Variants in LINGO2 observed in about 807,000 individuals in gnomAD.
LINGO2 encodes leucine rich repeat and Ig domain containing 2.
Under a neutral mutation model 30.6 loss-of-function variants are expected in LINGO2, and 14 were observed. The observed-to-expected ratio is 0.46, with a 90% CI of 0.30 to 0.72. The LOEUF (loss-of-function observed/expected upper bound fraction) is 0.72, where lower values mean the gene tolerates loss of function less well. Ranked by LOEUF, LINGO2 falls within the 30% of genes least tolerant of loss-of-function variation. The pLI is 0.07. For synonymous variants in LINGO2, 317 were observed against 288.5 expected (o/e 1.10, Z -1.00); for missense variants, 729 against 751.7 (o/e 0.97, Z 0.35).
intron 1 of LINGO2, among the ~76,000 whole-genome samples, chr9:28,587,244 G>A (rs1024226257): frequency 6.6e-6 from 1 of 152,038 alleles, no homozygotes; most frequent in Non-Finnish European, 1.5e-5. Context: ...AAGTTCTGCT[G>A]TGCTAACTCA....
chr9:28,969,030 T>C, the LINGO2 span, among the ~76,000 whole-genome samples: 1 of 152,172 alleles, frequency 6.6e-6, no homozygotes, highest in Non-Finnish European at 1.5e-5. Context: ...TCAATAGTTA[T>C]ATGTAAATTT....
the LINGO2 span, among the ~76,000 whole-genome samples, chr9:28,847,770 TG>T: frequency 1.0e-4 from 4 of 38,126 alleles, 1 homozygote; most frequent in Admixed American, 3.0e-4. Context: ...CACACATATG[TG>T]TATATATAGT....
At chr9:28,579,709 C>T (rs1824164595) in intron 1 of LINGO2, among the ~76,000 whole-genome samples, 3 of 152,114 alleles carry the variant, frequency 2.0e-5, no homozygotes, top group African/African-American at 7.2e-5. Context: ...TGGCTCTTCA[C>T]TGTTGGCTAT....
chr9:28,398,827 A>G (rs1446805846), intron 2 of LINGO2, among the ~76,000 whole-genome samples: 2 of 152,198 alleles, frequency 1.3e-5, no homozygotes, highest in Non-Finnish European at 2.9e-5. Flanking sequence ...GATGGCATGC[A>G]AATGGTGTCT....
the LINGO2 span, among the ~76,000 whole-genome samples, chr9:29,195,807 A>G: frequency 6.6e-6 from 1 of 152,166 alleles, no homozygotes; most frequent in African/African-American, 2.4e-5. Flanking sequence ...ATTGCTTTGC[A>G]GTCCTGTGTT....
intron 3 of LINGO2, among the ~76,000 whole-genome samples, chr9:28,299,569 T>C (rs1310954613): frequency 6.6e-6 from 1 of 152,120 alleles, no homozygotes; most frequent in East Asian, 1.9e-4. Flanking sequence ...TTATATGTAG[T>C]TTCTTTTTAA....
chr9:28,925,259 G>A, the LINGO2 span, among the ~76,000 whole-genome samples: 2 of 152,176 alleles, frequency 1.3e-5, no homozygotes, highest in Admixed American at 1.3e-4. Flanking sequence ...TAAGTCTTTG[G>A]AATGTCCTTT....
chr9:28,971,008 T>A, the LINGO2 span, among the ~76,000 whole-genome samples: 2 of 151,876 alleles, frequency 1.3e-5, no homozygotes, highest in Admixed American at 6.6e-5. Flanking sequence ...AAGGGAAGAG[T>A]GCAGGAGGAC....
At chr9:29,125,706 A>G in the LINGO2 span, among the ~76,000 whole-genome samples, 1 of 152,156 alleles carries the variant, frequency 6.6e-6, no homozygotes, top group South Asian at 2.1e-4. Context: ...ATAAATCATT[A>G]AATTAATTAA....
chr9:28,101,310 G>A (rs1826409571), intron 4 of LINGO2, among the ~76,000 whole-genome samples: 1 of 151,696 alleles, frequency 6.6e-6, no homozygotes, highest in African/African-American at 2.4e-5. Context: ...TTTGATTACT[G>A]AGTCCTGAGT....
intron 4 of LINGO2, among the ~76,000 whole-genome samples, chr9:28,281,814 A>C (rs1335281839): frequency 1.3e-5 from 2 of 152,130 alleles, no homozygotes; most frequent in Non-Finnish European, 2.9e-5. Flanking sequence ...GATTTGTGAC[A>C]GACTTGTTTC....
the LINGO2 span, among the ~76,000 whole-genome samples, chr9:28,860,870 C>G: frequency 2.1e-5 from 3 of 145,938 alleles, no homozygotes; most frequent in Admixed American, 7.2e-5. Context: ...AGAGTTCTGA[C>G]AGTCTTGTGG....
At chr9:28,020,499 A>AG (rs749580872) in intron 4 of LINGO2, among the ~76,000 whole-genome samples, 1 of 151,988 alleles carries the variant, frequency 6.6e-6, no homozygotes, top group Non-Finnish European at 1.5e-5. Flanking sequence ...ACTGCACTCC[A>AG]GCCTGGCCAA....
chr9:29,131,580 C>T, the LINGO2 span, among the ~76,000 whole-genome samples: 1 of 152,008 alleles, frequency 6.6e-6, no homozygotes, highest in South Asian at 2.1e-4. Flanking sequence ...GGAATTGCAT[C>T]CACACCGAAA....
At chr9:28,021,384 G>C (rs974724101) in intron 4 of LINGO2, among the ~76,000 whole-genome samples, 1 of 152,082 alleles carries the variant, frequency 6.6e-6, no homozygotes, top group East Asian at 1.9e-4. Flanking sequence ...TCTTATTAAA[G>C]TTTTTGAGGT....
chr9:28,310,117 A>T (rs1373436878), intron 3 of LINGO2, among the ~76,000 whole-genome samples: 1 of 152,194 alleles, frequency 6.6e-6, no homozygotes, highest in East Asian at 1.9e-4. Context: ...TGTTAAAGAT[A>T]CACAATTATA....
intron 1 of LINGO2, among the ~76,000 whole-genome samples, chr9:28,523,444 G>A (rs899670776): frequency 6.6e-6 from 1 of 152,010 alleles, no homozygotes; most frequent in Non-Finnish European, 1.5e-5. Context: ...TTGTATTGCA[G>A]GTATAAACAG....
At chr9:28,325,102 C>T (rs1053867775) in intron 3 of LINGO2, among the ~76,000 whole-genome samples, 5 of 151,766 alleles carry the variant, frequency 3.3e-5, no homozygotes, top group Non-Finnish European at 7.4e-5. Flanking sequence ...CCTACCTATC[C>T]CCCATCTCTG....
intron 3 of LINGO2, among the ~76,000 whole-genome samples, chr9:28,349,281 A>T (rs1819743668): frequency 6.7e-6 from 1 of 149,274 alleles, no homozygotes. Flanking sequence ...TAATTAGAAT[A>T]ACCAATACAG....
Sources: allele counts gnomAD v4.1 joint callset (sites outside exome capture counted in the v4.1 genomes callset), GRCh38; gene constraint gnomAD v4.1.1; transcripts MANE v1.5; gene names NCBI Gene and HGNC (gene_info 2026-07-23, HGNC 2026-07-21).